C14orf93: variants seen among roughly 807,000 people sequenced by gnomAD.
C14orf93 encodes the protein uncharacterized protein C14orf93.
A neutral mutation model predicts 44.0 loss-of-function variants in C14orf93; 23 were observed. The observed-to-expected ratio is 0.52, with a 90% CI of 0.38 to 0.74. The LOEUF (loss-of-function observed/expected upper bound fraction) is 0.74. Among genes scored for constraint, C14orf93 ranks in the 30% least tolerant of loss-of-function variants. C14orf93 has a pLI of 0.00. For synonymous variants in C14orf93, 253 were observed against 265.7 expected (o/e 0.95, Z 0.46); for missense variants, 579 against 678.9 (o/e 0.85, Z 1.64).
At chr14:22,988,089 T>A in intron 5 of C14orf93, 74 bp from the exon 6 acceptor site, 1 of 993,678 alleles carries the variant, frequency 1.0e-6, no homozygotes, top group Non-Finnish European at 1.6e-6. Context: ...TTTTCTGCCC[T>A]AACACTATTG....
At chr14:23,005,436 C>T (rs1476179924) in intron 1 of C14orf93, 1 of 151,986 alleles carries the variant, frequency 6.6e-6, no homozygotes, top group Non-Finnish European at 1.5e-5. Flanking sequence ...TGAGACCAAC[C>T]TCGGCAGCAT....
At chr14:23,008,068 G>A (rs1474235707) in intron 1 of C14orf93, among the ~76,000 whole-genome samples, 1 of 149,012 alleles carries the variant, frequency 6.7e-6, no homozygotes, top group Non-Finnish European at 1.5e-5. Flanking sequence ...CAGGAGAATC[G>A]CTTGAACCCA....
chr14:23,002,451 C>CAAAA (rs397709228), intron 1 of C14orf93, among the ~76,000 whole-genome samples: 2 of 89,076 alleles, frequency 2.2e-5, no homozygotes, highest in Non-Finnish European at 2.2e-5. Flanking sequence ...GACTCCATCT[C>CAAAA]AAAAAAAAAA....
In C14orf93 at chr14:22,996,821, T is replaced by C. The variant is rs1228189388; in HGVS notation, c.598-553A>G. 4.6e-5 allele frequency among the ~76,000 whole-genome samples: 7 copies of C among 152,078 alleles called. No homozygotes were observed. On this transcript the variant is annotated intron_variant, in intron 2 of 6. Transcript: ENST00000299088. This position sits in a 1 kb window ranked among gnomAD's most constrained non-coding sequence, Gnocchi z 4.1. ...TGATCCTGCCCCGGCCACATTCGAC[T>C]GTCATAGCCCCTGACATCTACCTGA... is the stretch of plus-strand genomic sequence containing the variant.
At chr14:22,991,718 A>G (rs539830071) in intron 3 of C14orf93, among the ~76,000 whole-genome samples, 1 of 151,166 alleles carries the variant, frequency 6.6e-6, no homozygotes, top group South Asian at 2.1e-4. Flanking sequence ...CTACAGGTGC[A>G]CCACCACCAC....
In C14orf93 at chr14:22,996,164, TG is replaced by T. The variant is rs2045961154; in HGVS notation, c.701del (p.Ala234GlufsTer43). 6.2e-7 allele frequency: 1 copy of T among 1,613,842 alleles called. No individual in the cohort carries two copies. Among genetic ancestry groups the T allele is most frequent in the Admixed American group, 1.7e-5 (1 of 59,976 alleles). ...SPATQLAIQR[A>X]TPETGPENGT... ...CATTTTCTGGTCCTGTCTCTGGGGT[TG>T]CCCGCTGGATTGCCAGTTGTGTGGC... is the stretch of plus-strand genomic sequence containing the variant. On this transcript the variant is annotated frameshift_variant, in exon 3 of 7. Transcript: ENST00000299088. LOFTEE classifies it high-confidence loss of function. This position sits in a 1 kb window ranked among gnomAD's most constrained non-coding sequence, Gnocchi z 4.1.
rs184826716 is a variant in C14orf93 at position 23,002,956 on chromosome 14, A to C, written c.-379-3554T>G. Among the ~76,000 whole-genome samples the C allele has an allele frequency of 2.5e-3, 386 of 152,304 alleles. No homozygotes were observed. The Middle Eastern group carries it at 0.027, about 11-fold the overall frequency. ...TTTCTAACAAACAACACATTCCTCA[A>C]GTCTATGAGGATGCATTTATAGATA... On this transcript the variant is annotated intron_variant, in intron 1 of 6. Transcript: ENST00000299088.
intron 1 of C14orf93, 78 bp downstream of exon 1, chr14:23,010,023 A>C (rs747426024): frequency 1.3e-5 from 2 of 152,076 alleles, no homozygotes; most frequent in African/African-American, 2.4e-5. Context: ...TCACCCCAAC[A>C]CTGCTACAGA....
intron 1 of C14orf93, among the ~76,000 whole-genome samples, chr14:23,007,480 C>G (rs1299056508): frequency 6.6e-6 from 1 of 152,172 alleles, no homozygotes; most frequent in African/African-American, 2.4e-5. Flanking sequence ...CTGCTGGCCT[C>G]GGTTACATTT....
intron 3 of C14orf93, among the ~76,000 whole-genome samples, chr14:22,990,401 C>T (rs2045526549): frequency 1.3e-5 from 2 of 152,148 alleles, no homozygotes; most frequent in African/African-American, 4.8e-5. Flanking sequence ...CATGAACATA[C>T]CCCTGATAGC....
At position 22,987,033 on chromosome 14, in the gene C14orf93, CT is replaced by C; in HGVS notation, c.*181del. The C allele has an allele frequency of 1.5e-6, 1 of 647,374 alleles. No individual in the cohort carries two copies. The highest frequency in any genetic ancestry group is 2.6e-6 in the Non-Finnish European group (1 of 381,790). The allele number at this position is 647,374 out of a possible 1,614,324, so 40.1% of individuals were successfully genotyped here. ...GTTCACAGTGGAGGGAGTTTCTCCCCTTCTAGATAAGTTTTTATCCCACCAG... is the reference window on the plus strand; with the variant it reads ...GTTCACAGTGGAGGGAGTTTCTCCCCTCTAGATAAGTTTTTATCCCACCAG... On this transcript the variant is annotated 3_prime_UTR_variant, in exon 7 of 7. Coordinates refer to ENST00000299088, the MANE Select transcript of C14orf93 (RefSeq NM_021944.4). The surrounding 1 kb of genome is among the most constrained non-coding windows in gnomAD (Gnocchi z 5.6).
At chr14:22,995,679 C>CAAAAAAAAA (rs58710730) in intron 3 of C14orf93, among the ~76,000 whole-genome samples, 2 of 45,038 alleles carry the variant, frequency 4.4e-5, no homozygotes, top group Non-Finnish European at 9.5e-5. Context: ...GACTCTGACT[C>CAAAAAAAAA]AAAAAAAAAA....
chr14:22,997,010 C>CAG (rs1483753899), intron 2 of C14orf93, among the ~76,000 whole-genome samples: 4 of 151,690 alleles, frequency 2.6e-5, no homozygotes, highest in South Asian at 2.1e-4. Context: ...CACACACACA[C>CAG]AGAAAGATGC....
chr14:23,005,580 C>A (rs2046583625), intron 1 of C14orf93: 1 of 152,218 alleles, frequency 6.6e-6, no homozygotes, highest in Non-Finnish European at 1.5e-5. Context: ...CTGAAAACAA[C>A]TGACTAGGTC....
At chr14:22,989,626 C>T (rs1485284607) in intron 5 of C14orf93, 116 bp downstream of exon 5, 1 of 740,234 alleles carries the variant, frequency 1.4e-6, no homozygotes, top group East Asian at 2.6e-5. Context: ...TTCAAATCCA[C>T]TATTTTCAAA....
At chr14:23,001,296 G>A (rs146530308) in intron 1 of C14orf93, among the ~76,000 whole-genome samples, 3 of 152,298 alleles carry the variant, frequency 2.0e-5, no homozygotes, top group South Asian at 4.1e-4. Flanking sequence ...GCTGGGTTCA[G>A]TATTTGTAAA....
chr14:22,998,394 C>T (rs959489412), intron 2 of C14orf93, 33 bp downstream of exon 2: 11 of 1,479,536 alleles, frequency 7.4e-6, no homozygotes, highest in Non-Finnish European at 9.0e-6. Flanking sequence ...GGAAAAGCAC[C>T]TAGGAGGAAT....
chr14:23,003,536 C>T (rs1235163078), intron 1 of C14orf93, among the ~76,000 whole-genome samples: 2 of 151,940 alleles, frequency 1.3e-5, no homozygotes, highest in Non-Finnish European at 2.9e-5. Flanking sequence ...CGCCTATAAT[C>T]CCAGCACTTT....
At chr14:23,004,039 C>G (rs8021296) in intron 1 of C14orf93, among the ~76,000 whole-genome samples, 1 of 136,794 alleles carries the variant, frequency 7.3e-6, no homozygotes, top group Non-Finnish European at 1.6e-5. Context: ...CCTCCAGAGT[C>G]GCTGGGACTA....
Sources: allele counts gnomAD v4.1 joint callset (sites outside exome capture counted in the v4.1 genomes callset), GRCh38; gene constraint gnomAD v4.1.1; non-coding constraint Gnocchi (gnomAD v3.1); transcripts MANE v1.5; gene names NCBI Gene and HGNC (gene_info 2026-07-23, HGNC 2026-07-21).